CFAP46: variants seen among roughly 807,000 people sequenced by gnomAD.
The protein encoded by CFAP46 is cilia- and flagella-associated protein 46.
In CFAP46, 245 loss-of-function variants were observed where a neutral mutation model predicts 325.7. That is an observed-to-expected ratio of 0.75 (90% CI 0.68 to 0.84). The LOEUF is 0.84. Ranked by LOEUF, CFAP46 falls within the 40% of genes least tolerant of loss-of-function variation. The pLI, the probability that CFAP46 is intolerant of heterozygous loss-of-function variation, is 0.00. For synonymous variants in CFAP46, 1,523 were observed against 1,495.9 expected (o/e 1.02, Z -0.42); for missense variants, 3,346 against 3,543.0 (o/e 0.94, Z 1.41).
rs760833769 is a variant in CFAP46 at position 132,860,515 on chromosome 10, G to A, written c.5100C>T (p.His1700=). The change falls in exon 37 of 58, where the codon CAC becomes CAT. Residue 1700 remains histidine (H), a synonymous_variant. Coordinates refer to ENST00000368586, the MANE Select transcript of CFAP46 (RefSeq NM_001200049.3). ...AGGCATTGATGAGCTTCTGAAATATGTGACACACCTGAGGACAGGCAGGGG... is the reference window on the plus strand; with the variant it reads ...AGGCATTGATGAGCTTCTGAAATATATGACACACCTGAGGACAGGCAGGGG... ...EHSGREATVC[H]IFQKLINAFK... is the part of the protein sequence containing the mutation. 29 of 1,549,672 alleles carry A rather than the reference G, an allele frequency of 1.9e-5. No individual in the cohort carries two copies. The highest frequency in any genetic ancestry group is 2.5e-5 in the Non-Finnish European group (29 of 1,145,892).
intron 22 of CFAP46, among the ~76,000 whole-genome samples, chr10:132,900,610 C>T (rs1849380488): frequency 6.6e-6 from 1 of 152,274 alleles, no homozygotes; most frequent in East Asian, 1.9e-4. Context: ...GCCCCTTGGC[C>T]TGCATGGGCC....
At position 132,861,084 on chromosome 10, in the gene CFAP46, G is replaced by C. The variant is rs967119155; in HGVS notation, c.4891-102C>G. 31 of 1,149,090 alleles carry C rather than the reference G, an allele frequency of 2.7e-5. No individual in the cohort carries two copies. In the African/African-American group the frequency reaches 3.4e-4, roughly 12 times the overall value. The allele number at this position is 1,149,090 out of a possible 1,614,324, so 71.2% of individuals were successfully genotyped here. ...GAAGGAAGAGGGAGACAGAGAGGCA[G>C]AGACAGACAGACGCACCAGGTGAGG... On this transcript the variant is annotated intron_variant, in intron 35 of 57. Coordinates refer to ENST00000368586, the MANE Select transcript of CFAP46 (RefSeq NM_001200049.3).
At chr10:132,879,756 A>T in intron 28 of CFAP46, 125 bp from the exon 29 acceptor site, 1 of 998,814 alleles carries the variant, frequency 1.0e-6, no homozygotes, top group East Asian at 2.9e-5. Flanking sequence ...CCGGTGCTCC[A>T]CTCTGCTGAG....
rs1849125565 is a variant in CFAP46 at position 132,886,017 on chromosome 10, C to G, written c.3305-58G>C. ...CGCCTGATCCCTCATCAAAGGCGCCCTCGGACCTCCCAGACTAAGCTGCCC... is the reference window on the plus strand; with the variant it reads ...CGCCTGATCCCTCATCAAAGGCGCCGTCGGACCTCCCAGACTAAGCTGCCC... On this transcript the variant is annotated intron_variant, in intron 25 of 57. Coordinates refer to ENST00000368586, the MANE Select transcript of CFAP46 (RefSeq NM_001200049.3). The surrounding 1 kb of genome is among the most constrained non-coding windows in gnomAD (Gnocchi z 5.8). The G allele has an allele frequency of 6.5e-7, 1 of 1,533,194 alleles. No homozygotes were observed. The highest frequency in any genetic ancestry group is 1.4e-5 in the African/African-American group (1 of 72,904). 95.0% of individuals were successfully genotyped at this position (1,533,194 alleles called of 1,614,324 possible).
intron 27 of CFAP46, among the ~76,000 whole-genome samples, chr10:132,882,805 G>C (rs1269704875): frequency 6.6e-6 from 1 of 152,042 alleles, no homozygotes; most frequent in Non-Finnish European, 1.5e-5. Flanking sequence ...CCATGGATGG[G>C]GAAGGAGGGG....
In CFAP46 at chr10:132,886,589, C is replaced by T. The variant is rs1849135306; in HGVS notation, c.3305-630G>A. Among the ~76,000 whole-genome samples the T allele has an allele frequency of 6.6e-6, 1 of 152,168 alleles. No homozygotes were observed. The highest frequency in any genetic ancestry group is 2.1e-4 in the South Asian group (1 of 4,832). On this transcript the variant is annotated intron_variant, in intron 25 of 57. Transcript: ENST00000368586. The surrounding 1 kb of genome is among the most constrained non-coding windows in gnomAD (Gnocchi z 5.8). ...CAGGGTGGATCCTGGTGGGATGGAACCCTCAGTGTCTGGGCGAGCTGCAGA... is the reference window on the plus strand; with the variant it reads ...CAGGGTGGATCCTGGTGGGATGGAATCCTCAGTGTCTGGGCGAGCTGCAGA...
intron 34 of CFAP46, 53 bp downstream of exon 34, chr10:132,867,322 G>A (rs1018056392): frequency 2.6e-6 from 4 of 1,527,334 alleles, no homozygotes; most frequent in Non-Finnish European, 3.5e-6. Flanking sequence ...TGGCCACGAG[G>A]CACCGGCGCC....
At position 132,919,956 on chromosome 10, in the gene CFAP46, C is replaced by A; in HGVS notation, c.1730+103G>T. 2 of 1,377,842 alleles carry A rather than the reference C, an allele frequency of 1.5e-6. No individual in the cohort carries two copies. 85.4% of individuals were successfully genotyped at this position (1,377,842 alleles called of 1,614,324 possible). The stretch of plus-strand genomic sequence containing the variant: ...GCAGGTGGCCTGGCGAGTCCCCAGA[C>A]GGCCACATGCAGGGTCAGCTCAGCC... On this transcript the variant is annotated intron_variant, in intron 14 of 57. Coordinates refer to ENST00000368586, the MANE Select transcript of CFAP46 (RefSeq NM_001200049.3). This position sits in a 1 kb window ranked among gnomAD's most constrained non-coding sequence, Gnocchi z 9.7.
chr10:132,839,191 C>A (rs1276337394), intron 44 of CFAP46, among the ~76,000 whole-genome samples: 1 of 152,128 alleles, frequency 6.6e-6, no homozygotes. Context: ...GTGAACAGAA[C>A]TTCTGAATTT....
intron 43 of CFAP46, 45 bp from the exon 44 acceptor site, chr10:132,846,272 C>T (rs369032572): frequency 7.7e-5 from 122 of 1,592,102 alleles, no homozygotes; most frequent in African/African-American, 5.2e-4. Context: ...GAGGCCTGGG[C>T]GGGGAGGCCT....
intron 22 of CFAP46, among the ~76,000 whole-genome samples, chr10:132,907,771 T>C (rs1344953297): frequency 2.0e-5 from 3 of 152,124 alleles, no homozygotes; most frequent in Non-Finnish European, 4.4e-5. Flanking sequence ...GGTTGGATCA[T>C]GGGGATGGAG....
chr10:132,860,452 A>G lies in CFAP46; in HGVS notation c.5163T>C (p.Pro1721=). ...GATCTGTGATCATGAATTCCAGTAAAGGCAATCGGTTTGGTCTTTCTTTCT... is the reference window on the plus strand; with the variant it reads ...GATCTGTGATCATGAATTCCAGTAAGGGCAATCGGTTTGGTCTTTCTTTCT... ...ILKKERPNRL[P]LLEFMITDLE... is the part of the protein sequence containing the mutation. Residue 1721 remains proline (P), a synonymous_variant, in exon 37 of 58, where the codon CCT becomes CCC. Transcript: ENST00000368586. The G allele has an allele frequency of 1.3e-6, 2 of 1,551,248 alleles. No individual in the cohort carries two copies. Among genetic ancestry groups the G allele is most frequent in the South Asian group, 2.4e-5 (2 of 84,060 alleles).
intron 53 of CFAP46, 104 bp from the exon 54 acceptor site, chr10:132,814,358 A>C: frequency 9.3e-7 from 1 of 1,076,760 alleles, no homozygotes; most frequent in Admixed American, 2.0e-5. Context: ...AGGCGCATAT[A>C]TCAGTGCCCT....
chr10:132,821,927 C>CTGTGTGT (rs1847847860), intron 50 of CFAP46, among the ~76,000 whole-genome samples: 1 of 102,934 alleles, frequency 9.7e-6, no homozygotes, highest in Non-Finnish European at 1.9e-5. Flanking sequence ...GCTGTGTGTG[C>CTGTGTGT]GCTGATGTGT....
At chr10:132,903,222 G>A (rs1162070420) in intron 22 of CFAP46, among the ~76,000 whole-genome samples, 1 of 152,126 alleles carries the variant, frequency 6.6e-6, no homozygotes, top group Admixed American at 6.5e-5. Context: ...CTTCTCTAGC[G>A]CAGGATGGCC....
chr10:132,899,729 G>C, intron 22 of CFAP46, 63 bp from the exon 23 acceptor site: 1 of 1,503,224 alleles, frequency 6.7e-7, no homozygotes, highest in Non-Finnish European at 8.9e-7. Flanking sequence ...CTCCCTCCCT[G>C]GGTCACTGTC....
intron 50 of CFAP46, among the ~76,000 whole-genome samples, chr10:132,824,637 ATGTGTG>A: frequency 1.8e-5 from 1 of 54,448 alleles, no homozygotes; most frequent in Non-Finnish European, 3.3e-5. Flanking sequence ...CTGTGTGCTG[ATGTGTG>A]CTGATGTGTG....
chr10:132,819,511 C>T (rs1274234492), intron 50 of CFAP46, among the ~76,000 whole-genome samples: 1 of 152,130 alleles, frequency 6.6e-6, no homozygotes, highest in Non-Finnish European at 1.5e-5. Context: ...CTATAGTAAT[C>T]AAAACAATGT....
At chr10:132,902,759 C>CT (rs1849408551) in intron 22 of CFAP46, among the ~76,000 whole-genome samples, 1 of 152,212 alleles carries the variant, frequency 6.6e-6, no homozygotes, top group Non-Finnish European at 1.5e-5. Context: ...ATTGTGTCCA[C>CT]TTCCTTTAAA....
Sources: allele counts gnomAD v4.1 joint callset (sites outside exome capture counted in the v4.1 genomes callset), GRCh38; gene constraint gnomAD v4.1.1; non-coding constraint Gnocchi (gnomAD v3.1); transcripts MANE v1.5; gene names NCBI Gene and HGNC (gene_info 2026-07-23, HGNC 2026-07-21).